Variants in SRL observed in about 807,000 individuals in gnomAD.
SRL encodes the protein sarcalumenin.
In SRL, 23 loss-of-function variants were observed where a neutral mutation model predicts 39.5. The observed-to-expected ratio is 0.58, with a 90% confidence interval of 0.42 to 0.82. SRL has a LOEUF of 0.82. SRL is among the 40% of genes least tolerant of loss of function. SRL has a pLI of 0.00. For synonymous variants in SRL, 272 were observed against 237.4 expected, an observed-to-expected ratio of 1.15 and a Z score of -1.34; for missense variants, 592 against 607.8, an observed-to-expected ratio of 0.97 and a Z score of 0.27.
intron 1 of SRL, among the ~76,000 whole-genome samples, chr16:4,230,237 G>T (rs541633043): frequency 2.4e-4 from 36 of 152,046 alleles, no homozygotes; most frequent in Non-Finnish European, 4.9e-4. Flanking sequence ...GATCAGCCAG[G>T]GGGGGCAACC....
intron 1 of SRL, among the ~76,000 whole-genome samples, chr16:4,205,205 T>A (rs964732697): frequency 6.6e-6 from 1 of 151,668 alleles, no homozygotes; most frequent in Non-Finnish European, 1.5e-5. Context: ...TAGTCTCAGC[T>A]CAGGAAGCTG....
chr16:4,199,693 C>CT (rs35631556), intron 3 of SRL, among the ~76,000 whole-genome samples: 42,560 of 96,196 alleles, frequency 0.44, 11,045 homozygotes, highest in Non-Finnish European at 0.52. Flanking sequence ...TTTTCTTTTC[C>CT]TTTTTTTTTT....
In SRL at chr16:4,195,778, G is replaced by GT; in HGVS notation, c.384dup (p.Pro129ThrfsTer5). 1 of 1,613,646 alleles carries GT rather than the reference G, an allele frequency of 6.2e-7. No individual in the cohort carries two copies. Among genetic ancestry groups the GT allele is most frequent in the Non-Finnish European group, 8.5e-7 (1 of 1,179,732 alleles). Reference sequence around the variant, plus strand: ...AGGACCGTGAACTCAGAGGTGGTGGGTTCAGCGCCTGGGCACACGGGGTGA... The same window carrying GT: ...AGGACCGTGAACTCAGAGGTGGTGGGTTTCAGCGCCTGGGCACACGGGGTGA... On this transcript the variant is annotated frameshift_variant, in exon 5 of 6. Transcript: ENST00000399609. LOFTEE classifies it high-confidence loss of function.
rs550224442 is a variant in SRL, at chr16:4,203,243, C to G, written c.182G>C (p.Arg61Pro). The change falls in exon 3 of 6, where the codon CGG becomes CCG. Residue 61 changes from arginine (R) to proline (P), a missense_variant. By Grantham distance (103) the Arg-to-Pro change is moderately radical. Transcript: ENST00000399609. ...DDYSAVLQRL[R>P]KIYHSSIKPL... The stretch of plus-strand genomic sequence containing the variant: ...CTTGATGGATGAGTGGTAGATCTTC[C>G]GAAGCCGCTGCAGCACCGCTGGAGA... The G allele has an allele frequency of 6.2e-7, 1 of 1,614,050 alleles. No individual in the cohort carries two copies. The highest frequency in any genetic ancestry group is 8.5e-7 in the Non-Finnish European group (1 of 1,179,988).
At chr16:4,194,878 A>G (rs2052114873) in intron 5 of SRL, among the ~76,000 whole-genome samples, 1 of 151,952 alleles carries the variant, frequency 6.6e-6, no homozygotes, top group Admixed American at 6.6e-5. Context: ...ACCCACTGTC[A>G]AAAGTAGTTT....
intron 1 of SRL, among the ~76,000 whole-genome samples, chr16:4,215,414 A>G (rs758805365): frequency 4.6e-5 from 7 of 152,226 alleles, no homozygotes; most frequent in Non-Finnish European, 7.3e-5. Context: ...GGGTACAATG[A>G]CAAAGGTAGC....
At chr16:4,208,084 C>T (rs923572412) in intron 1 of SRL, 12 of 454,312 alleles carry the variant, frequency 2.6e-5, no homozygotes, top group African/African-American at 2.2e-4. Flanking sequence ...TCTGTGCCAC[C>T]CGACGCGGAG....
intron 4 of SRL, among the ~76,000 whole-genome samples, 178 bp from the exon 5 acceptor site, chr16:4,195,964 C>T (rs1033346534): frequency 3.9e-5 from 6 of 151,954 alleles, no homozygotes; most frequent in Admixed American, 1.3e-4. Flanking sequence ...TAAAATTTAC[C>T]TTTTTTTTCT....
intron 1 of SRL, among the ~76,000 whole-genome samples, chr16:4,229,767 C>T (rs943938470): frequency 1.3e-5 from 2 of 152,084 alleles, no homozygotes; most frequent in African/African-American, 4.8e-5. Context: ...GCACACGTCC[C>T]CCCTGAATCT....
chr16:4,226,618 GATAA>G (rs1352987284), intron 1 of SRL, among the ~76,000 whole-genome samples: 1 of 151,778 alleles, frequency 6.6e-6, no homozygotes, highest in Admixed American at 6.6e-5. Flanking sequence ...TACATGAATA[GATAA>G]ATAAATGGGT....
intron 5 of SRL, among the ~76,000 whole-genome samples, chr16:4,193,365 G>A (rs765663257): frequency 5.9e-5 from 9 of 152,178 alleles, no homozygotes; most frequent in Non-Finnish European, 1.2e-4. Flanking sequence ...TGAAATCCAA[G>A]TTTCCAAGAA....
intron 1 of SRL, among the ~76,000 whole-genome samples, chr16:4,239,278 A>C (rs984771343): frequency 5.9e-5 from 9 of 152,178 alleles, no homozygotes; most frequent in African/African-American, 2.2e-4. Flanking sequence ...GGGCACTCAC[A>C]GAGGGGCAGC....
chr16:4,232,915 G>C (rs2052674884), intron 1 of SRL, among the ~76,000 whole-genome samples: 1 of 152,170 alleles, frequency 6.6e-6, no homozygotes, highest in African/African-American at 2.4e-5. Context: ...TCCAGTGGTG[G>C]GGGGAGGCGG....
rs887906211 is a variant in SRL, at chr16:4,190,452, G to A, written c.*1701C>T. 4.3e-5 allele frequency: 17 copies of A among 398,550 alleles called. No individual in the cohort carries two copies. The highest frequency in any genetic ancestry group is 6.2e-4 in the Middle Eastern group (1 of 1,612). 24.7% of individuals were successfully genotyped at this position (398,550 alleles called of 1,614,324 possible). On this transcript the variant is annotated 3_prime_UTR_variant, in exon 6 of 6. Coordinates refer to ENST00000399609, the MANE Select transcript of SRL (RefSeq NM_001098814.2). ...ACAAAGGAGCCCCTCGAGGCAGCCC[G>A]GGCTGGGTCTCCTGGGCATGCACAG...
chr16:4,211,053 G>A (rs997102793), intron 1 of SRL, among the ~76,000 whole-genome samples: 10 of 152,020 alleles, frequency 6.6e-5, no homozygotes, highest in African/African-American at 2.2e-4. Flanking sequence ...CTCAGCCAGC[G>A]ACTCTCAGCA....
chr16:4,227,302 C>A (rs562208357), intron 1 of SRL, among the ~76,000 whole-genome samples: 1 of 139,568 alleles, frequency 7.2e-6, no homozygotes, highest in Admixed American at 7.1e-5. Flanking sequence ...GGATGGATGA[C>A]GGATGGATGG....
intron 5 of SRL, 107 bp from the exon 6 acceptor site, chr16:4,193,071 T>A: frequency 1.0e-6 from 1 of 989,030 alleles, no homozygotes; most frequent in Non-Finnish European, 1.5e-6. Flanking sequence ...GGAACAGCGC[T>A]ACGGATTTTC....
At chr16:4,199,553 T>C (rs2052194657) in intron 3 of SRL, among the ~76,000 whole-genome samples, 1 of 151,576 alleles carries the variant, frequency 6.6e-6, no homozygotes, top group South Asian at 2.1e-4. Context: ...GTATTTAGAG[T>C]AGAGATGGGG....
At chr16:4,232,045 G>A (rs1396442099) in intron 1 of SRL, among the ~76,000 whole-genome samples, 1 of 152,150 alleles carries the variant, frequency 6.6e-6, no homozygotes. Context: ...CTCTGCCCCC[G>A]GGTTCCGGTG....
Sources: gnomAD v4.1 joint callset for allele counts (sites outside exome capture counted in the v4.1 genomes callset) on GRCh38, gnomAD v4.1.1 for gene constraint, MANE v1.5 for transcripts, NCBI Gene and HGNC (gene_info 2026-07-23, HGNC 2026-07-21) for gene names.